Variants in PXDNL observed in about 807,000 individuals in gnomAD.
The protein encoded by PXDNL is probable oxidoreductase PXDNL.
In PXDNL, 145 loss-of-function variants were observed where a neutral mutation model predicts 150.8. The ratio of observed to expected loss-of-function variants is 0.96; its 90% confidence interval spans 0.84 to 1.10. The LOEUF is 1.10. PXDNL is among the 50% of genes least tolerant of loss of function. The probability of loss-of-function intolerance (pLI) is 0.00; values close to 1 mark genes in which losing one functional copy is unlikely to be tolerated. For missense variants in PXDNL, 2,087 were observed against 1,873.9 expected, an observed-to-expected ratio of 1.11 and a Z score of -2.10; for synonymous variants, 757 against 725.7, an observed-to-expected ratio of 1.04 and a Z score of -0.69.
In PXDNL at chr8:51,319,885, CT is replaced by C; in HGVS notation, c.*5del. 6.6e-7 allele frequency: 1 copy of C among 1,510,576 alleles called. No individual in the cohort carries two copies. Among genetic ancestry groups the C allele is most frequent in the Non-Finnish European group, 8.8e-7 (1 of 1,130,318 alleles). 93.6% of individuals were successfully genotyped at this position (1,510,576 alleles called of 1,614,324 possible). ...CCATTTGGGGCTCAACAGCACAAAACTTTTATTAGCGCTTCTCTGGGGAATC... is the reference window on the plus strand; with the variant it reads ...CCATTTGGGGCTCAACAGCACAAAACTTTATTAGCGCTTCTCTGGGGAATC... On this transcript the variant is annotated 3_prime_UTR_variant, in exon 23 of 23. Coordinates refer to ENST00000356297, the MANE Select transcript of PXDNL (RefSeq NM_144651.5).
intron 12 of PXDNL, among the ~76,000 whole-genome samples, chr8:51,446,377 A>G (rs773108482): frequency 6.6e-6 from 1 of 152,238 alleles, no homozygotes; most frequent in Middle Eastern, 3.2e-3. Flanking sequence ...ATTAAGTTCC[A>G]TCATTTCACC....
At chr8:51,760,914 AGTGGCG>A in intron 1 of PXDNL, among the ~76,000 whole-genome samples, 1 of 118,100 alleles carries the variant, frequency 8.5e-6, no homozygotes, top group Non-Finnish European at 1.6e-5. Context: ...GCTGGAGTGC[AGTGGCG>A]CGATCTCAGC....
chr8:51,735,314 C>G (rs963725920), intron 1 of PXDNL, among the ~76,000 whole-genome samples: 6 of 151,268 alleles, frequency 4.0e-5, no homozygotes, highest in Admixed American at 3.9e-4. Context: ...GACCCTGTAT[C>G]TACTAAAAAA....
chr8:51,635,917 C>A (rs1302588730), intron 2 of PXDNL, among the ~76,000 whole-genome samples: 1 of 152,000 alleles, frequency 6.6e-6, no homozygotes, highest in Non-Finnish European at 1.5e-5. Context: ...AAATACAGAG[C>A]AATATCTTTT....
At chr8:51,639,950 C>G (rs1473919168) in intron 2 of PXDNL, among the ~76,000 whole-genome samples, 2 of 151,996 alleles carry the variant, frequency 1.3e-5, no homozygotes, top group African/African-American at 4.8e-5. Context: ...CGCAAAAATC[C>G]TCAATAAAAT....
At chr8:51,749,907 G>C (rs958449302) in intron 1 of PXDNL, among the ~76,000 whole-genome samples, 1 of 151,988 alleles carries the variant, frequency 6.6e-6, no homozygotes, top group Non-Finnish European at 1.5e-5. Flanking sequence ...CACCATGTTG[G>C]CCAGGATGGT....
intron 19 of PXDNL, among the ~76,000 whole-genome samples, chr8:51,367,856 A>G (rs1292008893): frequency 1.3e-5 from 2 of 152,214 alleles, no homozygotes; most frequent in African/African-American, 2.4e-5. Context: ...CACAGGGTGC[A>G]GTGGCTCATG....
At chr8:51,586,865 A>G (rs1813336225) in intron 3 of PXDNL, among the ~76,000 whole-genome samples, 1 of 152,190 alleles carries the variant, frequency 6.6e-6, no homozygotes, top group Non-Finnish European at 1.5e-5. Flanking sequence ...TAATTCAGAG[A>G]AAATACTAAA....
At chr8:51,800,130 T>C (rs1341192064) in intron 1 of PXDNL, among the ~76,000 whole-genome samples, 3 of 152,090 alleles carry the variant, frequency 2.0e-5, no homozygotes, top group Non-Finnish European at 4.4e-5. Flanking sequence ...CACAGAGTGG[T>C]CCACAGCACT....
At position 51,320,872 on chromosome 8, in the gene PXDNL, C is replaced by A. The variant is rs929428392; in HGVS notation, c.4172G>T (p.Arg1391Met). 6.2e-7 allele frequency: 1 copy of A among 1,613,530 alleles called. No individual in the cohort carries two copies. The highest frequency in any genetic ancestry group is 8.5e-7 in the Non-Finnish European group (1 of 1,179,646). ...EQINKLEARL[R>M]QAGCTDVRGV... ...TCTAACATCTGTACACCCTGCCTGCCTCAGGCGTGCCTCCAGCTTGTTTAT... is the reference window on the plus strand; with the variant it reads ...TCTAACATCTGTACACCCTGCCTGCATCAGGCGTGCCTCCAGCTTGTTTAT... The change falls in exon 22 of 23, where the codon AGG becomes ATG. Residue 1391 changes from arginine to methionine, a missense_variant. Arg to Met is a moderately conservative substitution (Grantham distance 91). Coordinates refer to ENST00000356297, the MANE Select transcript of PXDNL (RefSeq NM_144651.5).
chr8:51,769,272 C>G (rs971785505), intron 1 of PXDNL, among the ~76,000 whole-genome samples: 17 of 152,222 alleles, frequency 1.1e-4, no homozygotes, highest in Admixed American at 8.5e-4. Flanking sequence ...GACCCAGAAT[C>G]AGATGAAGAC....
At chr8:51,641,375 G>A (rs1260624702) in intron 2 of PXDNL, among the ~76,000 whole-genome samples, 1 of 149,628 alleles carries the variant, frequency 6.7e-6, no homozygotes, top group African/African-American at 2.5e-5. Flanking sequence ...AAACTCAAGA[G>A]CTTCTGCACA....
intron 17 of PXDNL, among the ~76,000 whole-genome samples, chr8:51,401,686 A>G (rs2130864488): frequency 6.6e-6 from 1 of 152,304 alleles, no homozygotes; most frequent in East Asian, 1.9e-4. Context: ...ACATCAGTGA[A>G]GGAATAGGGG....
intron 1 of PXDNL, among the ~76,000 whole-genome samples, chr8:51,664,845 C>T (rs758146031): frequency 2.2e-4 from 33 of 152,126 alleles, no homozygotes; most frequent in Non-Finnish European, 3.8e-4. Context: ...CCCAGCCCTC[C>T]CAGGCACACT....
intron 1 of PXDNL, among the ~76,000 whole-genome samples, chr8:51,792,215 C>T (rs773992194): frequency 4.6e-5 from 7 of 151,834 alleles, no homozygotes; most frequent in Non-Finnish European, 2.9e-5. Flanking sequence ...GAATCCTGCA[C>T]CACAACTGAG....
intron 1 of PXDNL, among the ~76,000 whole-genome samples, chr8:51,736,274 G>A (rs184607803): frequency 6.6e-6 from 1 of 152,258 alleles, no homozygotes; most frequent in East Asian, 1.9e-4. Flanking sequence ...GTTTATCATA[G>A]ACCTAAGACA....
chr8:51,455,213 G>C (rs1057245099), intron 9 of PXDNL, among the ~76,000 whole-genome samples: 4 of 151,898 alleles, frequency 2.6e-5, no homozygotes, highest in South Asian at 4.2e-4. Context: ...AGTAGAACTG[G>C]AAAAGGAGAT....
intron 1 of PXDNL, among the ~76,000 whole-genome samples, chr8:51,668,172 C>CTTTTTTTTT (rs765738861): frequency 0.014 from 359 of 26,102 alleles, 1 homozygote; most frequent in Non-Finnish European, 0.017. Context: ...CCTTCTCGCT[C>CTTTTTTTTT]TCTCTTTTTT....
chr8:51,473,257 T>C (rs1810387589), intron 7 of PXDNL, among the ~76,000 whole-genome samples: 1 of 79,958 alleles, frequency 1.3e-5, no homozygotes, highest in African/African-American at 3.1e-5. Flanking sequence ...ACAGTTTCAT[T>C]GAAGCAGTAG....
Sources: gnomAD v4.1 joint callset for allele counts (sites outside exome capture counted in the v4.1 genomes callset) on GRCh38, gnomAD v4.1.1 for gene constraint, MANE v1.5 for transcripts, NCBI Gene and HGNC (gene_info 2026-07-23, HGNC 2026-07-21) for gene names.